Variants in MKLN1 observed in about 807,000 individuals in gnomAD.
MKLN1 encodes muskelin 1, also known as muskelin.
A neutral mutation model predicts 99.0 loss-of-function variants in MKLN1; 18 were observed. That is an observed-to-expected ratio of 0.18 (90% CI 0.13 to 0.27). The LOEUF is 0.27. Among genes scored for constraint, MKLN1 ranks in the 10% least tolerant of loss-of-function variants. The pLI is 1.00. For synonymous variants in MKLN1, 288 were observed against 293.2 expected (o/e 0.98, Z 0.18); for missense variants, 621 against 875.9 (o/e 0.71, Z 3.67).
intron 3 of MKLN1, among the ~76,000 whole-genome samples, chr7:131,319,061 C>A (rs1430621583): frequency 1.3e-5 from 2 of 152,078 alleles, no homozygotes; most frequent in Admixed American, 1.3e-4. Context: ...TTCCAAACAA[C>A]AGAAAAAGAG....
chr7:131,417,188 C>T (rs922474856), intron 8 of MKLN1, among the ~76,000 whole-genome samples: 9 of 151,976 alleles, frequency 5.9e-5, no homozygotes, highest in Non-Finnish European at 8.8e-5. Context: ...AAAGAAAAAT[C>T]GGCCTATATC....
At chr7:131,431,201 G>A (rs1032930080) in intron 9 of MKLN1, among the ~76,000 whole-genome samples, 18 of 151,176 alleles carry the variant, frequency 1.2e-4, no homozygotes, top group African/African-American at 4.1e-4. Context: ...CAGCCTGGTC[G>A]ACAGAGTGAG....
At chr7:131,312,455 A>C (rs965137398) in intron 3 of MKLN1, among the ~76,000 whole-genome samples, 2 of 152,236 alleles carry the variant, frequency 1.3e-5, no homozygotes, top group African/African-American at 2.4e-5. Flanking sequence ...ATCAATGCAT[A>C]ATTTTTAGAA....
rs1007005516 is a variant in MKLN1, at chr7:131,327,962, C to T, written c.63C>T (p.His21=). The change falls in exon 1 of 18, where the codon CAC becomes CAT. Residue 21 remains histidine (H), a synonymous_variant. Transcript: ENST00000352689. The part of the protein sequence containing the change: ...PECRLLPYAL[H]KWSSFSSTYL... The stretch of plus-strand genomic sequence containing the variant: ...GCCGGCTTCTCCCCTACGCGCTACA[C>T]AAGTGGAGCTCCTTTTCCTCCACCT... 2 of 1,613,924 alleles carry T rather than the reference C, an allele frequency of 1.2e-6. No individual in the cohort carries two copies. The highest frequency in any genetic ancestry group is 1.7e-6 in the Non-Finnish European group (2 of 1,179,878).
intron 10 of MKLN1, among the ~76,000 whole-genome samples, chr7:131,443,192 C>T (rs1795893140): frequency 6.6e-6 from 1 of 152,172 alleles, no homozygotes; most frequent in African/African-American, 2.4e-5. Context: ...TTCACTCTTA[C>T]ATATAAATCA....
intron 3 of MKLN1, among the ~76,000 whole-genome samples, chr7:131,207,200 T>TTTATTTAC (rs1353134262): frequency 6.6e-6 from 1 of 152,068 alleles, no homozygotes; most frequent in Non-Finnish European, 1.5e-5. Flanking sequence ...GTTATTTATT[T>TTTATTTAC]TTATTTATTT....
In MKLN1 at chr7:131,133,835, T is replaced by G. The variant is rs1417283947; in HGVS notation, c.-418-8985T>G. On this transcript the variant is annotated intron_variant, in intron 1 of 7. Transcript: ENST00000416992. Reference sequence around the variant, plus strand: ...TTTTAATTTGGTTTTTTTTTTTTTTTTTTTTTTTTTTGAGACGAAGTTTTG... The same window carrying G: ...TTTTAATTTGGTTTTTTTTTTTTTTGTTTTTTTTTTTGAGACGAAGTTTTG... Among the ~76,000 whole-genome samples, 14 of 139,544 alleles carry G rather than the reference T, an allele frequency of 1.0e-4. No homozygotes were observed. The South Asian group carries it at 1.6e-3, about 16-fold the overall frequency. The allele number at this position is 139,544 out of a possible 152,430, so 91.5% of individuals were successfully genotyped here.
Position 131,467,526 on chromosome 7 carries a change from G to T in MKLN1, c.1928+1111G>T, listed in dbSNP as rs576957507. The stretch of plus-strand genomic sequence containing the variant: ...ACAAAAGGGACTGAATCATATAGCT[G>T]TCTGGTGGGGTGGGGAGTGTTCTAG... On this transcript the variant is annotated intron_variant, in intron 15 of 17. Coordinates refer to ENST00000352689, the MANE Select transcript of MKLN1 (RefSeq NM_013255.5). Among the ~76,000 whole-genome samples, 5 of 152,232 alleles carry T rather than the reference G, an allele frequency of 3.3e-5. No individual in the cohort carries two copies. In the South Asian group the frequency reaches 1.0e-3, roughly 32 times the overall value.
At chr7:131,465,452 A>G (rs1796631456) in intron 14 of MKLN1, among the ~76,000 whole-genome samples, 1 of 152,214 alleles carries the variant, frequency 6.6e-6, no homozygotes, top group Non-Finnish European at 1.5e-5. Context: ...TTGGTATTGA[A>G]TTATGGAATA....
At position 131,349,904 on chromosome 7, in the gene MKLN1, G is replaced by A. The variant is rs542135860; in HGVS notation, c.98+21907G>A. Among the ~76,000 whole-genome samples, 6 of 152,208 alleles carry A rather than the reference G, an allele frequency of 3.9e-5. No homozygotes were observed. In the East Asian group the frequency reaches 1.2e-3, roughly 29 times the overall value. ...CCTAGTGGTCGCTCCATTCATTCTT[G>A]TGGAGTATGTTGTAGGTATGTGTTC... On this transcript the variant is annotated intron_variant, in intron 1 of 17. Transcript: ENST00000352689.
intron 4 of MKLN1, among the ~76,000 whole-genome samples, chr7:131,396,230 G>A (rs1489348651): frequency 1.3e-5 from 2 of 151,938 alleles, no homozygotes; most frequent in African/African-American, 4.8e-5. Context: ...ACGCCACCAT[G>A]ACTGGCTATT....
At chr7:131,441,480 GAATA>G (rs1156799060) in intron 10 of MKLN1, among the ~76,000 whole-genome samples, 1 of 152,070 alleles carries the variant, frequency 6.6e-6, no homozygotes, top group Non-Finnish European at 1.5e-5. Flanking sequence ...CATAATAAAT[GAATA>G]GTCTTTAAAC....
intron 3 of MKLN1, among the ~76,000 whole-genome samples, chr7:131,292,953 T>C (rs902214545): frequency 2.6e-4 from 40 of 152,240 alleles, no homozygotes; most frequent in African/African-American, 9.6e-4. Context: ...TCTCCTGATA[T>C]GATGCAGTAA....
chr7:131,399,477 C>A (rs374470316), intron 6 of MKLN1, 44 bp downstream of exon 6: 5 of 1,518,560 alleles, frequency 3.3e-6, no homozygotes, highest in African/African-American at 1.4e-5. Flanking sequence ...CAAGTACATA[C>A]GGGAAACTTT....
intron 3 of MKLN1, among the ~76,000 whole-genome samples, chr7:131,269,513 AC>A (rs1797854603): frequency 6.6e-6 from 1 of 152,148 alleles, no homozygotes; most frequent in Non-Finnish European, 1.5e-5. Flanking sequence ...TAATTTCATC[AC>A]CTTAGGGGTT....
intron 1 of MKLN1, among the ~76,000 whole-genome samples, chr7:131,141,539 C>A (rs975906279): frequency 6.6e-6 from 1 of 152,216 alleles, no homozygotes; most frequent in Non-Finnish European, 1.5e-5. Flanking sequence ...CCTTTCCAGT[C>A]TCATCTCTGA....
intron 1 of MKLN1, among the ~76,000 whole-genome samples, chr7:131,373,550 C>T (rs1402649978): frequency 6.6e-6 from 1 of 152,000 alleles, no homozygotes; most frequent in East Asian, 1.9e-4. Flanking sequence ...TAATAAGTCT[C>T]TTTATTTGTG....
chr7:131,180,997 C>G (rs973256088), intron 2 of MKLN1, among the ~76,000 whole-genome samples: 3 of 152,148 alleles, frequency 2.0e-5, no homozygotes, highest in Non-Finnish European at 4.4e-5. Flanking sequence ...ATCAAGAGTA[C>G]AGCAACACCC....
intron 1 of MKLN1, among the ~76,000 whole-genome samples, chr7:131,346,987 C>T (rs775571059): frequency 2.6e-5 from 4 of 152,216 alleles, no homozygotes; most frequent in Non-Finnish European, 5.9e-5. Context: ...TTCTCACCTT[C>T]AGGACACATG....
Sources: gnomAD v4.1 joint callset for allele counts (sites outside exome capture counted in the v4.1 genomes callset) on GRCh38, gnomAD v4.1.1 for gene constraint, MANE v1.5 for transcripts, NCBI Gene and HGNC (gene_info 2026-07-23, HGNC 2026-07-21) for gene names.